The following IQCJ variants were observed in gnomAD, a reference collection of about 807,000 sequenced individuals.
The protein encoded by IQCJ is IQ motif containing J.
In IQCJ, 9 loss-of-function variants were observed where a neutral mutation model predicts 11.0. The ratio of observed to expected loss-of-function variants is 0.82; its 90% CI spans 0.49 to 1.43. The LOEUF (loss-of-function observed/expected upper bound fraction) is 1.43, where lower values mean the gene tolerates loss of function less well. Among genes scored for constraint, IQCJ ranks in the 40% most tolerant of loss-of-function variants. The pLI, the probability that IQCJ is intolerant of heterozygous loss-of-function variation, is 0.00. For missense variants in IQCJ, 146 were observed against 133.2 expected, an observed-to-expected ratio of 1.10 and a Z score of -0.47; for synonymous variants, 55 against 51.3, an observed-to-expected ratio of 1.07 and a Z score of -0.31.
chr3:159,191,308 G>A (rs1468134349), intron 1 of IQCJ, among the ~76,000 whole-genome samples: 1 of 152,152 alleles, frequency 6.6e-6, no homozygotes, highest in African/African-American at 2.4e-5. Flanking sequence ...AGATGATGAA[G>A]ATGAGGAGGA....
intron 1 of IQCJ, among the ~76,000 whole-genome samples, chr3:159,235,117 T>G (rs549292974): frequency 6.6e-6 from 1 of 152,326 alleles, no homozygotes; most frequent in East Asian, 1.9e-4. Context: ...TTATTTGTAC[T>G]TGTGTTCTCA....
chr3:159,143,615 C>T (rs1389113672), intron 1 of IQCJ, among the ~76,000 whole-genome samples: 1 of 152,132 alleles, frequency 6.6e-6, no homozygotes, highest in Non-Finnish European at 1.5e-5. Context: ...ACATTAGTTT[C>T]CTGAGTGGTC....
At chr3:159,137,567 C>T (rs1448856770) in intron 1 of IQCJ, among the ~76,000 whole-genome samples, 1 of 152,140 alleles carries the variant, frequency 6.6e-6, no homozygotes, top group African/African-American at 2.4e-5. Context: ...GGGACAGTAT[C>T]TCTGTTTCAG....
At chr3:159,162,688 A>G (rs1721934198) in intron 1 of IQCJ, among the ~76,000 whole-genome samples, 1 of 152,216 alleles carries the variant, frequency 6.6e-6, no homozygotes, top group Non-Finnish European at 1.5e-5. Flanking sequence ...AGACTAATAT[A>G]GAAGAAAAGA....
intron 1 of IQCJ, among the ~76,000 whole-genome samples, chr3:159,135,230 A>G (rs773277357): frequency 2.6e-5 from 4 of 152,118 alleles, no homozygotes; most frequent in African/African-American, 4.8e-5. Flanking sequence ...CCTCTGTCCT[A>G]TGCATAACTC....
chr3:159,249,902 T>TAC lies in IQCJ; in HGVS notation c.75-2802_75-2801dup, dbSNP rs10567080. Among the ~76,000 whole-genome samples the TAC allele has an allele frequency of 2.9e-3, 444 of 150,634 alleles. 7 individuals carry two copies. Among genetic ancestry groups the TAC allele is most frequent in the South Asian group, 0.026 (124 of 4,770 alleles). Reference sequence around the variant, plus strand: ...GCAGAGCCAATCAAGTGCATTTGTGTACACACACACACACACACACACACG... The same window carrying TAC: ...GCAGAGCCAATCAAGTGCATTTGTGTACACACACACACACACACACACACACG... On this transcript the variant is annotated intron_variant, in intron 2 of 3. Coordinates refer to ENST00000397832, the MANE Select transcript of IQCJ (RefSeq NM_001042706.3).
intron 1 of IQCJ, among the ~76,000 whole-genome samples, chr3:159,171,580 T>G (rs1449457409): frequency 1.3e-5 from 2 of 152,206 alleles, no homozygotes. Flanking sequence ...TCAGGCCTGC[T>G]GCACATTAGA....
chr3:159,242,216 T>A (rs1226759528), intron 1 of IQCJ, among the ~76,000 whole-genome samples: 1 of 152,144 alleles, frequency 6.6e-6, no homozygotes, highest in African/African-American at 2.4e-5. Flanking sequence ...TACATACGGC[T>A]CTATAGGCCA....
intron 1 of IQCJ, among the ~76,000 whole-genome samples, chr3:159,173,713 T>G (rs1423425703): frequency 4.6e-5 from 7 of 152,226 alleles, no homozygotes; most frequent in African/African-American, 1.7e-4. Flanking sequence ...TTGTCATTCC[T>G]TATGGATAAT....
intron 3 of IQCJ, among the ~76,000 whole-genome samples, chr3:159,253,544 C>G (rs765240346): frequency 2.6e-5 from 4 of 151,820 alleles, no homozygotes; most frequent in Non-Finnish European, 4.4e-5. Flanking sequence ...GATTTTCCTT[C>G]AGAAGCATAT....
intron 1 of IQCJ, among the ~76,000 whole-genome samples, chr3:159,202,363 T>A (rs547881070): frequency 7.2e-5 from 11 of 152,284 alleles, no homozygotes; most frequent in African/African-American, 1.9e-4. Context: ...GGCCAGATGT[T>A]TTATCAAAAC....
At chr3:159,136,180 C>T (rs1287129542) in intron 1 of IQCJ, among the ~76,000 whole-genome samples, 2 of 152,104 alleles carry the variant, frequency 1.3e-5, no homozygotes, top group Non-Finnish European at 2.9e-5. Flanking sequence ...CAGAATGAAA[C>T]CTTTTTATTC....
chr3:159,222,668 G>T (rs1725618941), intron 1 of IQCJ, among the ~76,000 whole-genome samples: 1 of 152,070 alleles, frequency 6.6e-6, no homozygotes, highest in African/African-American at 2.4e-5. Context: ...AATTTGCTAA[G>T]AGAGTAGGTT....
chr3:159,257,674 G>C (rs984771908), intron 3 of IQCJ, among the ~76,000 whole-genome samples: 2 of 152,210 alleles, frequency 1.3e-5, no homozygotes, highest in African/African-American at 4.8e-5. Context: ...TCAGGATACA[G>C]GGTTGGGATA....
intron 1 of IQCJ, among the ~76,000 whole-genome samples, chr3:159,074,268 T>C (rs1715770875): frequency 6.6e-6 from 1 of 151,840 alleles, no homozygotes; most frequent in African/African-American, 2.4e-5. Context: ...CTATTCCAGG[T>C]GAGAAGAAAT....
intron 1 of IQCJ, among the ~76,000 whole-genome samples, chr3:159,209,639 C>T (rs772628835): frequency 1.2e-4 from 18 of 152,122 alleles, no homozygotes; most frequent in Admixed American, 2.6e-4. Context: ...CTGCTGTGGG[C>T]GGGTACGGGG....
intron 1 of IQCJ, among the ~76,000 whole-genome samples, chr3:159,073,165 GC>G (rs1180627894): frequency 1.3e-5 from 2 of 152,084 alleles, no homozygotes; most frequent in African/African-American, 2.4e-5. Context: ...AAATGACCAG[GC>G]CTAGTACCCC....
chr3:159,240,434 G>A (rs1014948687), intron 1 of IQCJ, among the ~76,000 whole-genome samples: 1 of 152,144 alleles, frequency 6.6e-6, no homozygotes, highest in African/African-American at 2.4e-5. Flanking sequence ...TTTTGCTTAA[G>A]CTTCTACCAG....
chr3:159,127,731 G>A (rs146075649), intron 1 of IQCJ, among the ~76,000 whole-genome samples: 16 of 152,188 alleles, frequency 1.1e-4, no homozygotes, highest in East Asian at 3.9e-4. Context: ...AAAATATAGC[G>A]TGAACTATTA....
Sources: allele counts gnomAD v4.1 joint callset (sites outside exome capture counted in the v4.1 genomes callset), GRCh38; gene constraint gnomAD v4.1.1; transcripts MANE v1.5; gene names NCBI Gene and HGNC (gene_info 2026-07-23, HGNC 2026-07-21).